Variants in C18orf63 observed in about 807,000 individuals in gnomAD.
C18orf63 encodes the protein uncharacterized protein C18orf63.
A neutral mutation model predicts 75.3 loss-of-function variants in C18orf63; 50 were observed. That is an observed-to-expected ratio of 0.66 (90% CI 0.53 to 0.84). The LOEUF (loss-of-function observed/expected upper bound fraction) is 0.84. Ranked by LOEUF, C18orf63 falls within the 40% of genes least tolerant of loss-of-function variation. C18orf63 has a pLI of 0.00. For synonymous variants in C18orf63, 232 were observed against 267.6 expected (o/e 0.87, Z 1.30); for missense variants, 732 against 800.2 (o/e 0.91, Z 1.03).
intron 12 of C18orf63, 68 bp downstream of exon 12, chr18:74,354,336 T>A: frequency 7.4e-7 from 1 of 1,357,930 alleles, no homozygotes; most frequent in Non-Finnish European, 9.8e-7. Context: ...AATAAGGATT[T>A]AAATGATTTC....
At chr18:74,327,712 A>G (rs1164470034) in intron 4 of C18orf63, among the ~76,000 whole-genome samples, 1 of 152,230 alleles carries the variant, frequency 6.6e-6, no homozygotes, top group African/African-American at 2.4e-5. Flanking sequence ...CAGGGTCAGC[A>G]GGTAGTATTT....
chr18:74,332,956 G>A (rs1445015868), intron 7 of C18orf63, among the ~76,000 whole-genome samples: 1 of 152,140 alleles, frequency 6.6e-6, no homozygotes, highest in East Asian at 1.9e-4. Flanking sequence ...AACCAATTTA[G>A]AGATTGACAG....
chr18:74,322,199 T>C (rs1984136007), intron 3 of C18orf63, among the ~76,000 whole-genome samples: 1 of 152,240 alleles, frequency 6.6e-6, no homozygotes, highest in African/African-American at 2.4e-5. Context: ...GGATTGCATG[T>C]TAACAAATAG....
chr18:74,327,897 C>G, intron 4 of C18orf63, 50 bp from the exon 5 acceptor site: 2 of 1,096,746 alleles, frequency 1.8e-6, no homozygotes, highest in Non-Finnish European at 2.7e-6. Context: ...TATATGCATA[C>G]ACAGCAATTG....
chr18:74,353,544 G>A lies in C18orf63; in HGVS notation c.1277G>A (p.Ser426Asn). The change falls in exon 12 of 14, where the codon AGC becomes AAC. Residue 426 changes from serine (S) to asparagine (N), a missense_variant. By Grantham distance (46) the Ser-to-Asn change is conservative. This residue lies in a region of C18orf63 where 495 missense variants were observed against 508.7 expected (regional missense o/e 0.97). Coordinates refer to ENST00000579455, the MANE Select transcript of C18orf63 (RefSeq NM_001174123.2). ...ACTCAAGTTCAGCACACAAATCTTA[G>A]CTCCCAAAGCAACATCACCCCTAAG... The part of the protein sequence containing the change: ...GNTQVQHTNL[S>N]SQSNITPKFV... 6.5e-7 allele frequency: 1 copy of A among 1,536,570 alleles called. No homozygotes were observed. The highest frequency in any genetic ancestry group is 8.7e-7 in the Non-Finnish European group (1 of 1,147,004).
chr18:74,328,371 C>T (rs1356059284), intron 5 of C18orf63, among the ~76,000 whole-genome samples: 2 of 152,106 alleles, frequency 1.3e-5, no homozygotes, highest in South Asian at 2.1e-4. Flanking sequence ...GAAGCCCCAC[C>T]CCCATGATTC....
At chr18:74,338,625 CTG>C (rs2145124572) in intron 7 of C18orf63, 88 bp from the exon 8 acceptor site, 12 of 480,798 alleles carry the variant, frequency 2.5e-5, no homozygotes, top group South Asian at 2.4e-4. Flanking sequence ...TTATAACCTA[CTG>C]TGTGTGTGTA....
Position 74,354,225 on chromosome 18 carries a change from C to T in C18orf63, c.1958C>T (p.Ser653Phe), listed in dbSNP as rs1984724441. The change falls in exon 12 of 14, where the codon TCC (serine) becomes TTC (phenylalanine). Residue 653 changes from serine to phenylalanine, a missense_variant. Coordinates refer to ENST00000579455, the MANE Select transcript of C18orf63 (RefSeq NM_001174123.2). The part of the protein sequence containing the change: ...ESSKTSKKHH[S>F]DTVHYGQSSS... The stretch of plus-strand genomic sequence containing the variant: ...TCCAAAACTTCAAAGAAGCATCATT[C>T]CGATACTGTGCACTATGGCCAATCC... 1 of 1,534,920 alleles carries T rather than the reference C, an allele frequency of 6.5e-7. No individual in the cohort carries two copies.
chr18:74,326,779 A>G (rs138304892), intron 4 of C18orf63, among the ~76,000 whole-genome samples: 5 of 152,292 alleles, frequency 3.3e-5, no homozygotes, highest in Middle Eastern at 3.4e-3. Context: ...TTCAAGTGGG[A>G]GGATAAATCT....
rs765009466 is a variant in C18orf63 at position 74,342,035 on chromosome 18, G to A, written c.615G>A (p.Met205Ile). 1.7e-5 allele frequency: 26 copies of A among 1,488,808 alleles called. No homozygotes were observed. Among genetic ancestry groups the A allele is most frequent in the Middle Eastern group, 1.7e-4 (1 of 5,910 alleles). 92.2% of individuals were successfully genotyped at this position (1,488,808 alleles called of 1,614,324 possible). Residue 205 changes from methionine (M) to isoleucine (I), a missense_variant, in exon 9 of 14, where the codon ATG becomes ATA. Met to Ile is a conservative substitution (Grantham distance 10). This residue lies in a region of C18orf63 where 233 missense variants were observed against 272.7 expected (regional missense o/e 0.85). Transcript: ENST00000579455. ...LSNWCYVLPS[M>I]KMGQIINIFH... ...AGCTTCCTCTCATTTTTCATAGTAT[G>A]AAAATGGGACAAATTATAAATATTT... is the stretch of plus-strand genomic sequence containing the variant.
At position 74,338,695 on chromosome 18, in the gene C18orf63, A is replaced by C; in HGVS notation, c.502-20A>C. 1.8e-6 allele frequency: 2 copies of C among 1,125,944 alleles called. No individual in the cohort carries two copies. The highest frequency in any genetic ancestry group is 2.3e-6 in the Non-Finnish European group (2 of 852,968). The allele number at this position is 1,125,944 out of a possible 1,614,324, so 69.7% of individuals were successfully genotyped here. A position where few individuals can be genotyped will look rare whatever the true frequency, so the allele number is the denominator to read the frequency against. Reference sequence around the variant, plus strand: ...TTGCCAAATGATTTGAGGACTTACAAATCTTATTTCTATTAAAAGCTAAAA... The same window carrying C: ...TTGCCAAATGATTTGAGGACTTACACATCTTATTTCTATTAAAAGCTAAAA... On this transcript the variant is annotated intron_variant, in intron 7 of 13. Transcript: ENST00000579455.
intron 11 of C18orf63, among the ~76,000 whole-genome samples, chr18:74,352,038 A>G (rs921148994): frequency 6.6e-6 from 1 of 152,202 alleles, no homozygotes; most frequent in African/African-American, 2.4e-5. Flanking sequence ...AAAATATGCT[A>G]TATAAGTACA....
intron 11 of C18orf63, among the ~76,000 whole-genome samples, chr18:74,344,532 T>TCATA (rs1457774328): frequency 6.6e-6 from 1 of 152,132 alleles, no homozygotes; most frequent in East Asian, 1.9e-4. Context: ...ACCTTCCTAG[T>TCATA]CATAACTCCT....
rs79548281 is a variant in C18orf63 at position 74,342,309 on chromosome 18, C to T, written c.777C>T (p.Leu259=). The T allele has an allele frequency of 0.036, 54,743 of 1,526,870 alleles. 1,796 individuals carry two copies. Among genetic ancestry groups the T allele is most frequent in the East Asian group, 0.2 (8,186 of 40,792 alleles). 94.6% of individuals were successfully genotyped at this position (1,526,870 alleles called of 1,614,324 possible). A position where few individuals can be genotyped will look rare whatever the true frequency, so the allele number is the denominator to read the frequency against. Residue 259 remains leucine, a synonymous_variant, in exon 10 of 14, where the codon CTC becomes CTT. Coordinates refer to ENST00000579455, the MANE Select transcript of C18orf63 (RefSeq NM_001174123.2). ...ACTGCAACATCTATTTCAAAATGCT[C>T]GGAGAAAGGACCTTCACATATCCTT... The part of the protein sequence containing the change: ...KIYCNIYFKM[L]GERTFTYPLS...
At chr18:74,348,777 C>A (rs1439662520) in intron 11 of C18orf63, among the ~76,000 whole-genome samples, 1 of 152,116 alleles carries the variant, frequency 6.6e-6, no homozygotes, top group Non-Finnish European at 1.5e-5. Context: ...ATCTCATCTG[C>A]TGTTTACATA....
intron 11 of C18orf63, among the ~76,000 whole-genome samples, chr18:74,349,437 C>T (rs942153955): frequency 1.3e-5 from 2 of 152,072 alleles, no homozygotes; most frequent in Non-Finnish European, 2.9e-5. Context: ...CATGGACCTA[C>T]CAGTCCATGG....
rs1984238612 is a variant in C18orf63, at chr18:74,328,056, A to G, written c.380A>G (p.Gln127Arg). ...AATAGAACTGGTCATCTCTTGATACAAGGTAACTTTATCTTTTTAGTCATT... is the reference window on the plus strand; with the variant it reads ...AATAGAACTGGTCATCTCTTGATACGAGGTAACTTTATCTTTTTAGTCATT... ...AWNRTGHLLIQGRDFLSQMGK... is the reference protein window; with the variant it reads ...AWNRTGHLLIRGRDFLSQMGK... The change falls in exon 5 of 14, where the codon CAA (glutamine) becomes CGA (arginine). Residue 127 changes from glutamine (Q) to arginine (R), a missense_variant and splice_region_variant. Physicochemically the swap from Gln to Arg is conservative, Grantham distance 43. Coordinates refer to ENST00000579455, the MANE Select transcript of C18orf63 (RefSeq NM_001174123.2). 6.6e-7 allele frequency: 1 copy of G among 1,513,894 alleles called. No individual in the cohort carries two copies. Among genetic ancestry groups the G allele is most frequent in the Non-Finnish European group, 8.9e-7 (1 of 1,126,710 alleles). The allele number at this position is 1,513,894 out of a possible 1,614,324, so 93.8% of individuals were successfully genotyped here. A position where few individuals can be genotyped will look rare whatever the true frequency, so the allele number is the denominator to read the frequency against.
At chr18:74,319,966 G>C (rs1984091159) in intron 2 of C18orf63, among the ~76,000 whole-genome samples, 2 of 152,160 alleles carry the variant, frequency 1.3e-5, no homozygotes, top group Non-Finnish European at 2.9e-5. Flanking sequence ...AATATTGCCT[G>C]AGTACCTACA....
intron 10 of C18orf63, 25 bp downstream of exon 10, chr18:74,342,351 C>G (rs1192235490): frequency 6.0e-6 from 8 of 1,337,230 alleles, no homozygotes; most frequent in Non-Finnish European, 8.3e-6. Flanking sequence ...CCAACTGAAG[C>G]AGATGCTGTC....
Sources: gnomAD v4.1 joint callset for allele counts (sites outside exome capture counted in the v4.1 genomes callset) on GRCh38, gnomAD v4.1.1 for gene constraint, gnomAD v4.1.1 regional missense constraint, MANE v1.5 for transcripts, NCBI Gene and HGNC (gene_info 2026-07-23, HGNC 2026-07-21) for gene names.